Variants in HECTD4 observed in about 807,000 individuals in gnomAD.
HECTD4 encodes the protein HECT domain E3 ubiquitin protein ligase 4, also known as probable E3 ubiquitin-protein ligase HECTD4.
Under a neutral mutation model 471.5 loss-of-function variants are expected in HECTD4, and 114 were observed. The observed-to-expected ratio is 0.24, with a 90% confidence interval of 0.21 to 0.28. The LOEUF is 0.28. Ranked by LOEUF, HECTD4 falls within the 10% of genes least tolerant of loss-of-function variation. The probability of loss-of-function intolerance (pLI) is 1.00; values close to 1 mark genes in which losing one functional copy is unlikely to be tolerated. For synonymous variants in HECTD4, 2,012 were observed against 2,256.0 expected, an observed-to-expected ratio of 0.89 and a Z score of 3.07; for missense variants, 3,866 against 5,651.5, an observed-to-expected ratio of 0.68 and a Z score of 10.13.
At position 112,244,009 on chromosome 12, in the gene HECTD4, G is replaced by T. The variant is rs575910932; in HGVS notation, c.4514C>A (p.Ala1505Asp). 7.9e-5 allele frequency: 127 copies of T among 1,610,238 alleles called. No individual in the cohort carries two copies. The highest frequency in any genetic ancestry group is 1.1e-4 in the Non-Finnish European group (124 of 1,178,542). The change falls in exon 30 of 76, where the codon GCT (alanine) becomes GAT (aspartate). Residue 1505 changes from alanine to aspartate, a missense_variant and splice_region_variant. Ala to Asp is a moderately radical substitution (Grantham distance 126, BLOSUM62 -2). This residue lies in a region of HECTD4 where 49 missense variants were observed against 43.6 expected (regional missense o/e 1.12). Transcript: ENST00000682272. ...TTTTGTTTCAGAAGCTGATTTACAA[G>T]CTAGAAAAAAAAGGAATAAAAAGGC... ...SISGTPAETP[A>D]CKSASETKVI... is the part of the protein sequence containing the mutation.
At chr12:112,307,936 T>C (rs2035297200) in intron 6 of HECTD4, among the ~76,000 whole-genome samples, 1 of 152,250 alleles carries the variant, frequency 6.6e-6, no homozygotes, top group Non-Finnish European at 1.5e-5. Flanking sequence ...TTAACCTCTC[T>C]GAGCTGTATT....
Position 112,160,822 on chromosome 12 carries a change from ATCT to A in HECTD4, c.*1562_*1564del, listed in dbSNP as rs2030662748. ...CCGCTGGGGAGGCAGCGGGCTGACC[ATCT>A]TCTTTCAAAGCAGGGGAACTGCTTG... On this transcript the variant is annotated 3_prime_UTR_variant, in exon 76 of 76. Coordinates refer to ENST00000682272, the MANE Select transcript of HECTD4 (RefSeq NM_001388303.1). 6.6e-6 allele frequency: 1 copy of A among 152,196 alleles called. No individual in the cohort carries two copies. The highest frequency in any genetic ancestry group is 2.4e-5 in the African/African-American group (1 of 41,460). 9.4% of individuals were successfully genotyped at this position (152,196 alleles called of 1,614,324 possible). A position where few individuals can be genotyped will look rare whatever the true frequency, so the allele number is the denominator to read the frequency against.
chr12:112,167,246 A>G (rs2031003951), intron 72 of HECTD4, 71 bp downstream of exon 72: 1 of 1,379,038 alleles, frequency 7.3e-7, no homozygotes, highest in East Asian at 2.3e-5. Flanking sequence ...TCGGGTCTGC[A>G]TGGAGGCCTA....
chr12:112,377,774 G>A (rs762683977), intron 1 of HECTD4, among the ~76,000 whole-genome samples: 72 of 152,242 alleles, frequency 4.7e-4, no homozygotes, highest in Non-Finnish European at 9.0e-4. Flanking sequence ...GAAGGCTGAG[G>A]TAGAAGAATT....
rs561881940 is a variant in HECTD4 at position 112,263,579 on chromosome 12, T to C, written c.2748+505A>G. Reference sequence around the variant, plus strand: ...AATAATCACAGAAAATGAAATTGACTATAGGTTTAGAAATTAGATTATTCC... The same window carrying C: ...AATAATCACAGAAAATGAAATTGACCATAGGTTTAGAAATTAGATTATTCC... On this transcript the variant is annotated intron_variant, in intron 17 of 75. Transcript: ENST00000682272. Among the ~76,000 whole-genome samples the C allele has an allele frequency of 2.6e-4, 39 of 152,238 alleles. No homozygotes were observed. In the South Asian group the frequency reaches 2.7e-3, roughly 11 times the overall value.
intron 1 of HECTD4, chr12:112,322,107 TA>T (rs60268533): frequency 0.24 from 29,158 of 121,118 alleles, 4,528 homozygotes; most frequent in East Asian, 0.63. Context: ...CCTTGTCTGC[TA>T]AAAAAAAAAA....
Position 112,235,915 on chromosome 12 carries a change from G to T in HECTD4, c.5445-131C>A. 2.6e-6 allele frequency: 2 copies of T among 775,162 alleles called. No homozygotes were observed. The highest frequency in any genetic ancestry group is 4.0e-6 in the Non-Finnish European group (2 of 497,136). The allele number at this position is 775,162 out of a possible 1,614,324, so 48.0% of individuals were successfully genotyped here. ...CGAGGAATCATGAATGTGGCACTAT[G>T]CTTCTGTGAAGAATTAAGAATTTTG... On this transcript the variant is annotated intron_variant, in intron 35 of 75. Coordinates refer to ENST00000682272, the MANE Select transcript of HECTD4 (RefSeq NM_001388303.1). The surrounding 1 kb of genome is among the most constrained non-coding windows in gnomAD (Gnocchi z 5.0).
rs2031292947 is a variant in HECTD4, at chr12:112,173,018, A to G, written c.11595-157T>C. Among the ~76,000 whole-genome samples the G allele has an allele frequency of 6.6e-6, 1 of 152,052 alleles. No homozygotes were observed. ...TTTCTTGGTGCCTGGACAGCTCCTC[A>G]TGGGGAAAGCTCTTTCAAAAGAAGC... On this transcript the variant is annotated intron_variant, in intron 66 of 75. Coordinates refer to ENST00000682272, the MANE Select transcript of HECTD4 (RefSeq NM_001388303.1). The surrounding 1 kb of genome is among the most constrained non-coding windows in gnomAD (Gnocchi z 4.3).
chr12:112,275,769 TAA>T (rs2034513569), intron 9 of HECTD4, among the ~76,000 whole-genome samples: 2 of 152,148 alleles, frequency 1.3e-5, no homozygotes, highest in African/African-American at 4.8e-5. Context: ...GTGCCTAACT[TAA>T]GTTATAACAT....
At chr12:112,325,296 T>C (rs2135709304) in intron 1 of HECTD4, among the ~76,000 whole-genome samples, 1 of 152,350 alleles carries the variant, frequency 6.6e-6, no homozygotes, top group Middle Eastern at 3.4e-3. Context: ...TTATATAACA[T>C]ACACACTTAA....
intron 1 of HECTD4, among the ~76,000 whole-genome samples, chr12:112,344,765 A>G (rs150223857): frequency 2.6e-5 from 4 of 152,104 alleles, no homozygotes; most frequent in African/African-American, 9.6e-5. Context: ...TTAAAAATAT[A>G]AAATAAGCCA....
chr12:112,203,649 A>G lies in HECTD4; in HGVS notation c.8393T>C (p.Leu2798Ser). The G allele has an allele frequency of 6.2e-7, 1 of 1,613,442 alleles. No individual in the cohort carries two copies. The highest frequency in any genetic ancestry group is 8.5e-7 in the Non-Finnish European group (1 of 1,179,644). ...LKTFGLHGVVLDVDSVNELVQ... is the reference protein window; with the variant it reads ...LKTFGLHGVVSDVDSVNELVQ... Reference sequence around the variant, plus strand: ...CTGTTCACTCACTGAATCAACATCTAAGACGACTCCATGAAGCCCAAAGGT... The same window carrying G: ...CTGTTCACTCACTGAATCAACATCTGAGACGACTCCATGAAGCCCAAAGGT... Residue 2798 changes from leucine (L) to serine (S), a missense_variant, in exon 54 of 76, where the codon TTA (leucine) becomes TCA (serine). By Grantham distance (145) the Leu-to-Ser change is moderately radical. Coordinates refer to ENST00000682272, the MANE Select transcript of HECTD4 (RefSeq NM_001388303.1).
chr12:112,346,786 G>A (rs998492764), intron 1 of HECTD4, among the ~76,000 whole-genome samples: 3 of 152,196 alleles, frequency 2.0e-5, no homozygotes, highest in Non-Finnish European at 4.4e-5. Flanking sequence ...TATGTTGAGT[G>A]ACCACTCTAT....
chr12:112,183,125 G>A lies in HECTD4; in HGVS notation c.10921C>T (p.Gln3641Ter), dbSNP rs1389817967. The A allele has an allele frequency of 6.2e-7, 1 of 1,613,426 alleles. No homozygotes were observed. Among genetic ancestry groups the A allele is most frequent in the African/African-American group, 1.3e-5 (1 of 74,918 alleles). ...CTCCCTTGAGTATCAAAGAGACTCT[G>A]ATTTACTACAGACACGGTTAGAATC... is the stretch of plus-strand genomic sequence containing the variant. Reference protein sequence around the residue: ...EEILTVSVVNQSLFDTQGSPG... With the variant: ...EEILTVSVVN Residue 3641 changes from glutamine to a stop codon, truncating the protein, a stop_gained, in exon 62 of 76, where the codon CAG becomes TAG. Coordinates refer to ENST00000682272, the MANE Select transcript of HECTD4 (RefSeq NM_001388303.1). LOFTEE classifies it high-confidence loss of function.
At chr12:112,304,259 T>TTTTG (rs2035228320) in intron 7 of HECTD4, among the ~76,000 whole-genome samples, 1 of 148,404 alleles carries the variant, frequency 6.7e-6, no homozygotes, top group African/African-American at 2.5e-5. Flanking sequence ...TTTTTTTTTT[T>TTTTG]TTTGAGACAG....
chr12:112,182,424 C>T (rs2031710570), intron 62 of HECTD4, among the ~76,000 whole-genome samples: 1 of 149,174 alleles, frequency 6.7e-6, no homozygotes, highest in Non-Finnish European at 1.5e-5. Flanking sequence ...GCAGAATTTG[C>T]TCCACAAAAG....
intron 66 of HECTD4, 110 bp from the exon 67 acceptor site, chr12:112,172,971 G>C (rs2031290307): frequency 1.1e-6 from 1 of 929,520 alleles, no homozygotes; most frequent in East Asian, 2.5e-5. Flanking sequence ...ACATTCAGAA[G>C]ACGGCCTCGC....
At chr12:112,361,009 C>T (rs1477499246) in intron 1 of HECTD4, among the ~76,000 whole-genome samples, 1 of 149,512 alleles carries the variant, frequency 6.7e-6, no homozygotes, top group South Asian at 2.1e-4. Context: ...AAGGTAAGAT[C>T]AAAACAGTAT....
chr12:112,175,102 C>T (rs1200328918), intron 66 of HECTD4, among the ~76,000 whole-genome samples: 1 of 152,190 alleles, frequency 6.6e-6, no homozygotes, highest in Non-Finnish European at 1.5e-5. Context: ...CAAAGTGTGA[C>T]TCTGAGGATA....
Sources: allele counts gnomAD v4.1 joint callset (sites outside exome capture counted in the v4.1 genomes callset), GRCh38; gene constraint gnomAD v4.1.1; regional missense constraint gnomAD v4.1.1; non-coding constraint Gnocchi (gnomAD v3.1); transcripts MANE v1.5; gene names NCBI Gene and HGNC (gene_info 2026-07-23, HGNC 2026-07-21).